Variants in TBC1D32 observed in about 807,000 individuals in gnomAD.
The protein encoded by TBC1D32 is TBC1 domain family member 32, also known as protein broad-minded.
In TBC1D32, 151 loss-of-function variants were observed where a neutral mutation model predicts 170.3. The ratio of observed to expected loss-of-function variants is 0.89; its 90% CI spans 0.78 to 1.01. TBC1D32 has a LOEUF of 1.01. Ranked by LOEUF, TBC1D32 falls within the 50% of genes least tolerant of loss-of-function variation. TBC1D32 has a pLI of 0.00. For synonymous variants in TBC1D32, 498 were observed against 488.0 expected (o/e 1.02, Z -0.27); for missense variants, 1,464 against 1,457.1 (o/e 1.00, Z -0.08).
intron 22 of TBC1D32, among the ~76,000 whole-genome samples, chr6:121,201,833 T>C (rs1170475680): frequency 6.6e-6 from 1 of 151,340 alleles, no homozygotes; most frequent in Non-Finnish European, 1.5e-5. Context: ...AATTTCATTA[T>C]ATTTAATTTT....
chr6:121,292,102 G>A lies in TBC1D32; in HGVS notation c.1323C>T (p.Ile441=). ...HSLCLLGRLL[I]YKQGRKLFPI... The stretch of plus-strand genomic sequence containing the variant: ...GAAATAGTTTTCTGCCTTGTTTATA[G>A]ATCAATAATCTTCCTAAAAGGCACA... Residue 441 remains isoleucine, a synonymous_variant, in exon 12 of 32, where the codon ATC becomes ATT. Transcript: ENST00000398212. The A allele has an allele frequency of 6.2e-7, 1 of 1,600,538 alleles. No individual in the cohort carries two copies. Among genetic ancestry groups the A allele is most frequent in the African/African-American group, 1.3e-5 (1 of 74,604 alleles).
Position 121,239,087 on chromosome 6 carries a change from C to T in TBC1D32, c.2347G>A (p.Asp783Asn), listed in dbSNP as rs1796652436. Residue 783 changes from aspartate to asparagine, a missense_variant, in exon 20 of 32, where the codon GAC (aspartate) becomes AAC (asparagine). By Grantham distance (23) the Asp-to-Asn change is conservative. Transcript: ENST00000398212. Reference protein sequence around the residue: ...HPRTTPVDPIDRSCQKSFLAL... With the variant: ...HPRTTPVDPINRSCQKSFLAL... ...CTTCTTACCTTTTGACAGCTTCGGT[C>T]AATAGGATCCACTGGAGTAGTTCTG... 6.3e-7 allele frequency: 1 copy of T among 1,592,432 alleles called. No individual in the cohort carries two copies. The highest frequency in any genetic ancestry group is 1.1e-5 in the South Asian group (1 of 88,204).
chr6:121,174,836 G>C (rs1329723831), intron 22 of TBC1D32, among the ~76,000 whole-genome samples: 1 of 151,984 alleles, frequency 6.6e-6, no homozygotes. Flanking sequence ...TTCGAGGCCA[G>C]CCTGGGCAAC....
At chr6:121,158,377 G>A (rs889189432) in intron 24 of TBC1D32, among the ~76,000 whole-genome samples, 3 of 152,032 alleles carry the variant, frequency 2.0e-5, no homozygotes, top group African/African-American at 7.2e-5. Flanking sequence ...TTCTTGAAAT[G>A]GTTATTTTTT....
chr6:121,149,079 T>C (rs1783857086), intron 24 of TBC1D32, among the ~76,000 whole-genome samples: 1 of 152,218 alleles, frequency 6.6e-6, no homozygotes, highest in Non-Finnish European at 1.5e-5. Context: ...TCTGTTCATA[T>C]CCTTTGCTCA....
intron 11 of TBC1D32, 100 bp downstream of exon 11, chr6:121,294,470 C>T (rs1805320198): frequency 2.1e-5 from 16 of 757,636 alleles, no homozygotes; most frequent in South Asian, 4.0e-5. Context: ...CCTAATTTAC[C>T]ATACTAACAA....
At chr6:121,284,402 T>A (rs1450596212) in intron 12 of TBC1D32, among the ~76,000 whole-genome samples, 1 of 152,158 alleles carries the variant, frequency 6.6e-6, no homozygotes, top group East Asian at 1.9e-4. Flanking sequence ...ACTAAGTATA[T>A]GTAGATGATA....
At chr6:121,266,719 T>C (rs559465535) in intron 15 of TBC1D32, among the ~76,000 whole-genome samples, 65 of 152,230 alleles carry the variant, frequency 4.3e-4, no homozygotes, top group African/African-American at 1.5e-3. Flanking sequence ...CACCATGGAA[T>C]ACTATGCAGC....
At chr6:121,148,376 A>G (rs1319858042) in intron 24 of TBC1D32, among the ~76,000 whole-genome samples, 4 of 152,108 alleles carry the variant, frequency 2.6e-5, no homozygotes, top group Non-Finnish European at 5.9e-5. Context: ...TTCTTTATCA[A>G]GTCTATCACT....
At chr6:121,181,702 A>G (rs1788534594) in intron 22 of TBC1D32, among the ~76,000 whole-genome samples, 2 of 152,170 alleles carry the variant, frequency 1.3e-5, no homozygotes, top group South Asian at 4.1e-4. Flanking sequence ...ACTATCCACA[A>G]TGGCCAAGAT....
chr6:121,212,695 A>T (rs868094131), intron 21 of TBC1D32, among the ~76,000 whole-genome samples: 21 of 152,148 alleles, frequency 1.4e-4, no homozygotes, highest in African/African-American at 4.8e-4. Flanking sequence ...CTCAGACCTC[A>T]GGTGATCCAC....
Position 121,283,854 on chromosome 6 carries a change from G to A in TBC1D32, c.1429C>T (p.Pro477Ser). The A allele has an allele frequency of 1.9e-6, 3 of 1,611,188 alleles. No homozygotes were observed. Among genetic ancestry groups the A allele is most frequent in the Non-Finnish European group, 1.7e-6 (2 of 1,178,374 alleles). The change falls in exon 13 of 32, where the codon CCA (proline) becomes TCA (serine). Residue 477 changes from proline (P) to serine (S), a missense_variant. By Grantham distance (74) the Pro-to-Ser change is moderately conservative. Transcript: ENST00000398212. ...GCTGATGTCATCTTTGGACAACTTG[G>A]TGAGTAATAGATAAGTTGGGTAAAA... is the stretch of plus-strand genomic sequence containing the variant. ...VLFTQLIYYS[P>S]SCPKMTSAAH...
chr6:121,192,072 A>ATATATATATAG (rs1790137357), intron 22 of TBC1D32, among the ~76,000 whole-genome samples: 1 of 139,086 alleles, frequency 7.2e-6, no homozygotes, highest in African/African-American at 2.8e-5. Flanking sequence ...CCCTTTATAT[A>ATATATATATAG]TATATATATA....
At chr6:121,304,450 C>T (rs1583660695) in intron 7 of TBC1D32, 24 bp from the exon 8 acceptor site, 1 of 1,607,708 alleles carries the variant, frequency 6.2e-7, no homozygotes, top group East Asian at 2.2e-5. Context: ...CACAATAGTT[C>T]TCAAAAAATT....
At chr6:121,262,539 T>G (rs1180589887) in intron 15 of TBC1D32, among the ~76,000 whole-genome samples, 1 of 151,670 alleles carries the variant, frequency 6.6e-6, no homozygotes, top group Non-Finnish European at 1.5e-5. Context: ...TGCAGTGGCA[T>G]GATCTCGACC....
intron 25 of TBC1D32, among the ~76,000 whole-genome samples, chr6:121,128,402 T>C (rs1781080975): frequency 6.6e-6 from 1 of 152,184 alleles, no homozygotes; most frequent in African/African-American, 2.4e-5. Context: ...AGTGGCTACT[T>C]ATCTCAGTAT....
Position 121,310,725 on chromosome 6 carries a change from A to G in TBC1D32, c.564+54T>C, listed in dbSNP as rs1241360576. 5 of 1,141,170 alleles carry G rather than the reference A, an allele frequency of 4.4e-6. No individual in the cohort carries two copies. In the East Asian group the frequency reaches 1.3e-4, roughly 29 times the overall value. The allele number at this position is 1,141,170 out of a possible 1,614,324, so 70.7% of individuals were successfully genotyped here. A position where few individuals can be genotyped will look rare whatever the true frequency, so the allele number is the denominator to read the frequency against. On this transcript the variant is annotated intron_variant, in intron 4 of 31. Coordinates refer to ENST00000398212, the MANE Select transcript of TBC1D32 (RefSeq NM_152730.6). ...TGGTTGCTACTGATTGTAATCTCATATATTGTAAATGTATGTTATCTGCAT... is the reference window on the plus strand; with the variant it reads ...TGGTTGCTACTGATTGTAATCTCATGTATTGTAAATGTATGTTATCTGCAT...
At chr6:121,170,172 C>T (rs1786759962) in intron 22 of TBC1D32, among the ~76,000 whole-genome samples, 1 of 151,984 alleles carries the variant, frequency 6.6e-6, no homozygotes, top group Non-Finnish European at 1.5e-5. Context: ...CACACACACA[C>T]ACACACGACA....
chr6:121,320,895 A>G lies in TBC1D32; in HGVS notation c.317+738T>C, dbSNP rs1809613959. Among the ~76,000 whole-genome samples, 5 of 152,164 alleles carry G rather than the reference A, an allele frequency of 3.3e-5. No individual in the cohort carries two copies. In the South Asian group the frequency reaches 8.3e-4, roughly 25 times the overall value. On this transcript the variant is annotated intron_variant, in intron 2 of 31. Coordinates refer to ENST00000398212, the MANE Select transcript of TBC1D32 (RefSeq NM_152730.6). Reference sequence around the variant, plus strand: ...CCACAGCAAGTTTTCAAATGACATCATGTAATTCAACATCTTTTCATTATA... The same window carrying G: ...CCACAGCAAGTTTTCAAATGACATCGTGTAATTCAACATCTTTTCATTATA...
Sources: gnomAD v4.1 joint callset for allele counts (sites outside exome capture counted in the v4.1 genomes callset) on GRCh38, gnomAD v4.1.1 for gene constraint, MANE v1.5 for transcripts, NCBI Gene and HGNC (gene_info 2026-07-23, HGNC 2026-07-21) for gene names.